The following GCSAM variants were observed in gnomAD, a reference collection of about 807,000 sequenced individuals.
GCSAM encodes the protein germinal center associated signaling and motility.
Under a neutral mutation model 17.6 loss-of-function variants are expected in GCSAM, and 8 were observed. The ratio of observed to expected loss-of-function variants is 0.46; its 90% CI spans 0.27 to 0.82. The LOEUF is 0.82. Among genes scored for constraint, GCSAM ranks in the 40% least tolerant of loss-of-function variants. The pLI is 0.15. For synonymous variants in GCSAM, 68 were observed against 69.0 expected (o/e 0.98, Z 0.07); for missense variants, 192 against 213.5 (o/e 0.90, Z 0.63).
rs1359569502 is a variant in GCSAM, at chr3:112,123,670, C to T, written c.322G>A (p.Glu108Lys). Reference sequence around the variant, plus strand: ...CTCTCAGCTTTGCAGGGAACATTCTCATAGTACTCTTCAGCAGAGTTCCCT... The same window carrying T: ...CTCTCAGCTTTGCAGGGAACATTCTTATAGTACTCTTCAGCAGAGTTCCCT... ...PSGNSAEEYY[E>K]NVPCKAERPR... is the part of the protein sequence containing the mutation. Residue 108 changes from glutamate (E) to lysine (K), a missense_variant, in exon 6 of 6, where the codon GAG becomes AAG. Glu to Lys is a moderately conservative substitution (Grantham distance 56). Coordinates refer to ENST00000308910, the MANE Select transcript of GCSAM (RefSeq NM_152785.5). The T allele has an allele frequency of 2.5e-6, 4 of 1,614,030 alleles. No homozygotes were observed. The highest frequency in any genetic ancestry group is 1.3e-5 in the African/African-American group (1 of 74,912).
chr3:112,133,188 G>C lies in GCSAM; in HGVS notation c.-68C>G. 1 of 1,536,450 alleles carries C rather than the reference G, an allele frequency of 6.5e-7. No homozygotes were observed. The highest frequency in any genetic ancestry group is 2.2e-5 in the East Asian group (1 of 44,546). On this transcript the variant is annotated 5_prime_UTR_variant, in exon 1 of 6. Coordinates refer to ENST00000308910, the MANE Select transcript of GCSAM (RefSeq NM_152785.5). ...TTCCTTCTTGCCTTGTGCTCTGACA[G>C]GGCAACTCCTGACTTAAAGAAAGGG...
chr3:112,126,655 G>A (rs985708903), intron 4 of GCSAM, among the ~76,000 whole-genome samples: 16 of 152,206 alleles, frequency 1.1e-4, no homozygotes, highest in Non-Finnish European at 1.9e-4. Context: ...TTGGCCAGGA[G>A]GCCCCACCCC....
intron 4 of GCSAM, among the ~76,000 whole-genome samples, chr3:112,125,459 T>C (rs975951862): frequency 6.6e-5 from 10 of 151,904 alleles, no homozygotes; most frequent in Admixed American, 2.0e-4. Flanking sequence ...GCCTGAGAGG[T>C]GAGAGGGGGG....
At chr3:112,127,719 G>C (rs746808040) in intron 3 of GCSAM, among the ~76,000 whole-genome samples, 1 of 152,142 alleles carries the variant, frequency 6.6e-6, no homozygotes, top group Non-Finnish European at 1.5e-5. Flanking sequence ...TGTGTGCTTC[G>C]GAACATGCAG....
chr3:112,125,301 T>C, intron 4 of GCSAM, 47 bp from the exon 5 acceptor site: 2 of 1,363,278 alleles, frequency 1.5e-6, no homozygotes, highest in Non-Finnish European at 2.1e-6. Flanking sequence ...ATGGGGAGAT[T>C]TGAAGGGAAG....
Position 112,133,248 on chromosome 3 carries a change from G to A in GCSAM, c.-128C>T, listed in dbSNP as rs1028284898. 2.1e-6 allele frequency: 2 copies of A among 937,204 alleles called. No individual in the cohort carries two copies. Among genetic ancestry groups the A allele is most frequent in the Non-Finnish European group, 3.4e-6 (2 of 583,062 alleles). 58.1% of individuals were successfully genotyped at this position (937,204 alleles called of 1,614,324 possible). On this transcript the variant is annotated 5_prime_UTR_variant, in exon 1 of 6. Coordinates refer to ENST00000308910, the MANE Select transcript of GCSAM (RefSeq NM_152785.5). ...TCTGGCCACCCGTGCAGAGACAGCA[G>A]AAAGGAGAAGGGTGTCTCTGCAGAG...
At chr3:112,132,775 T>C in intron 1 of GCSAM, 2 of 505,554 alleles carry the variant, frequency 4.0e-6, no homozygotes, top group Non-Finnish European at 2.6e-6. Flanking sequence ...GGAGAGCATC[T>C]CCTTCCCGGG....
rs2074369418 is a variant in GCSAM at position 112,128,064 on chromosome 3, A to G, written c.99-3T>C. 1 of 1,613,184 alleles carries G rather than the reference A, an allele frequency of 6.2e-7. No individual in the cohort carries two copies. The highest frequency in any genetic ancestry group is 8.5e-7 in the Non-Finnish European group (1 of 1,179,182). On this transcript the variant is annotated splice_polypyrimidine_tract_variant and splice_region_variant and intron_variant, in intron 2 of 5. Coordinates refer to ENST00000308910, the MANE Select transcript of GCSAM (RefSeq NM_152785.5). The stretch of plus-strand genomic sequence containing the variant: ...CAGCGATATGGTGATCCCAGCATCT[A>G]AAATACCCAAGAGAGATGGCAAATC...
rs142162274 is a variant in GCSAM at position 112,123,605 on chromosome 3, T to C, written c.387A>G (p.Ser129=). ...ESLGGTETEY[S]LLHMPSTDPR... ...GGTCTGTAGAAGGCATATGTAGAAG[T>C]GAATACTCAGTCTCAGTTCCTCCCA... Residue 129 remains serine (S), a synonymous_variant, in exon 6 of 6, where the codon TCA becomes TCG. Coordinates refer to ENST00000308910, the MANE Select transcript of GCSAM (RefSeq NM_152785.5). The C allele has an allele frequency of 1.5e-3, 2,492 of 1,614,078 alleles. 4 individuals are homozygous for C. The highest frequency in any genetic ancestry group is 2.0e-3 in the Non-Finnish European group (2,340 of 1,179,982).
chr3:112,123,292 TGCGTGCTAAGAGGGCTTGTGGTATACAAA>T lies in GCSAM; in HGVS notation c.*134_*162del. 6 of 1,360,352 alleles carry T rather than the reference TGCGTGCTAAGAGGGCTTGTGGTATACAAA, an allele frequency of 4.4e-6. No homozygotes were observed. The highest frequency in any genetic ancestry group is 5.8e-6 in the Non-Finnish European group (6 of 1,026,814). The allele number at this position is 1,360,352 out of a possible 1,614,324, so 84.3% of individuals were successfully genotyped here. A position where few individuals can be genotyped will look rare whatever the true frequency, so the allele number is the denominator to read the frequency against. ...TGGTTGATCTTTAGATTTTGGCTTT[TGCGTGCTAAGAGGGCTTGTGGTATACAAA>T]CCATGCTCTGCAGGGAAAGGGTTGT... On this transcript the variant is annotated 3_prime_UTR_variant, in exon 6 of 6. Transcript: ENST00000308910.
chr3:112,130,697 A>T (rs2074432869), intron 1 of GCSAM, 184 bp from the exon 2 acceptor site: 1 of 615,186 alleles, frequency 1.6e-6, no homozygotes, highest in Non-Finnish European at 3.0e-6. Flanking sequence ...TTGATCTGAC[A>T]TGCTCTCCAT....
At position 112,123,620 on chromosome 3, in the gene GCSAM, A is replaced by G. The variant is rs150784525; in HGVS notation, c.372T>C (p.Thr124=). Residue 124 remains threonine, a synonymous_variant, in exon 6 of 6, where the codon ACT becomes ACC. Coordinates refer to ENST00000308910, the MANE Select transcript of GCSAM (RefSeq NM_152785.5). ...AERPRESLGG[T]ETEYSLLHMP... ...TATGTAGAAGTGAATACTCAGTCTC[A>G]GTTCCTCCCAAGGACTCTCTGGGTC... 2.5e-4 allele frequency: 396 copies of G among 1,614,178 alleles called. 3 individuals are homozygous for G. The East Asian group carries it at 4.4e-3, about 18-fold the overall frequency.
At chr3:112,127,895 A>C in intron 3 of GCSAM, 122 bp downstream of exon 3, 1 of 752,200 alleles carries the variant, frequency 1.3e-6, no homozygotes, top group Non-Finnish European at 2.4e-6. Flanking sequence ...CTCTTAGGTG[A>C]TTGTATCTGG....
intron 5 of GCSAM, 53 bp downstream of exon 5, chr3:112,125,173 T>A: frequency 8.8e-7 from 1 of 1,142,098 alleles, no homozygotes; most frequent in Non-Finnish European, 1.3e-6. Context: ...CCATTTAGGG[T>A]GTCTGTACTT....
rs1454344028 is a variant in GCSAM at position 112,122,377 on chromosome 3, A to G, written c.*1078T>C. On this transcript the variant is annotated 3_prime_UTR_variant, in exon 6 of 6. Coordinates refer to ENST00000308910, the MANE Select transcript of GCSAM (RefSeq NM_152785.5). ...GTGTTCCAACAAATCTTTATCTATA[A>G]AAACAGGGAGTGGGCTAGATTTGGC... 1 of 152,200 alleles carries G rather than the reference A, an allele frequency of 6.6e-6. No individual in the cohort carries two copies. Among genetic ancestry groups the G allele is most frequent in the Non-Finnish European group, 1.5e-5 (1 of 68,032 alleles). The allele number at this position is 152,200 out of a possible 1,614,324, so 9.4% of individuals were successfully genotyped here.
At chr3:112,131,304 A>C (rs566218870) in intron 1 of GCSAM, among the ~76,000 whole-genome samples, 1 of 151,936 alleles carries the variant, frequency 6.6e-6, no homozygotes, top group Non-Finnish European at 1.5e-5. Context: ...AGCTCCTCTC[A>C]TGAAGGGATG....
chr3:112,128,786 G>A (rs930104474), intron 2 of GCSAM: 8 of 155,598 alleles, frequency 5.1e-5, no homozygotes, highest in African/African-American at 1.7e-4. Flanking sequence ...CTGCAGTCCT[G>A]CATCTACATT....
chr3:112,123,338 A>G lies in GCSAM; in HGVS notation c.*117T>C. On this transcript the variant is annotated 3_prime_UTR_variant, in exon 6 of 6. Transcript: ENST00000308910. ...GTATACAAACCATGCTCTGCAGGGAAAGGGTTGTTGTGGGAGATAAGCTGG... is the reference window on the plus strand; with the variant it reads ...GTATACAAACCATGCTCTGCAGGGAGAGGGTTGTTGTGGGAGATAAGCTGG... 6.6e-7 allele frequency: 1 copy of G among 1,505,934 alleles called. No homozygotes were observed. Among genetic ancestry groups the G allele is most frequent in the Non-Finnish European group, 8.8e-7 (1 of 1,131,758 alleles). 93.3% of individuals were successfully genotyped at this position (1,505,934 alleles called of 1,614,324 possible). A position where few individuals can be genotyped will look rare whatever the true frequency, so the allele number is the denominator to read the frequency against.
chr3:112,127,452 G>A (rs1388356433), intron 3 of GCSAM, among the ~76,000 whole-genome samples: 3 of 152,064 alleles, frequency 2.0e-5, no homozygotes, highest in Admixed American at 6.5e-5. Context: ...CTTCGCATAA[G>A]GGAACACTGT....
Sources: allele counts gnomAD v4.1 joint callset (sites outside exome capture counted in the v4.1 genomes callset), GRCh38; gene constraint gnomAD v4.1.1; transcripts MANE v1.5; gene names NCBI Gene and HGNC (gene_info 2026-07-23, HGNC 2026-07-21).